Variants in ATP13A4 observed in about 807,000 individuals in gnomAD.
ATP13A4 encodes the protein probable cation-transporting ATPase 13A4.
ATP13A4 carries 114 observed loss-of-function variants against 142.5 expected under a neutral mutation model. That is an observed-to-expected ratio of 0.80 (90% CI 0.69 to 0.93). The LOEUF is 0.93. ATP13A4 is among the 40% of genes least tolerant of loss of function. The pLI is 0.00. For synonymous variants in ATP13A4, 488 were observed against 514.8 expected, an observed-to-expected ratio of 0.95 and a Z score of 0.70; for missense variants, 1,392 against 1,454.0, an observed-to-expected ratio of 0.96 and a Z score of 0.69.
intron 2 of ATP13A4, 65 bp from the exon 3 acceptor site, chr3:193,502,704 G>A: frequency 2.1e-6 from 3 of 1,453,894 alleles, no homozygotes; most frequent in Middle Eastern, 3.5e-4. Flanking sequence ...AATTCAACCT[G>A]AGAAACATCA....
At chr3:193,551,564 G>A (rs142359523) in intron 1 of ATP13A4, among the ~76,000 whole-genome samples, 6 of 152,278 alleles carry the variant, frequency 3.9e-5, no homozygotes, top group East Asian at 3.9e-4. Flanking sequence ...CTCACACCTC[G>A]CCAGAACTGT....
In ATP13A4 at chr3:193,514,861, C is replaced by T. The variant is rs368997183; in HGVS notation, c.71G>A (p.Gly24Asp). 2.4e-5 allele frequency: 38 copies of T among 1,613,880 alleles called. No individual in the cohort carries two copies. Among genetic ancestry groups the T allele is most frequent in the Non-Finnish European group, 1.4e-5 (17 of 1,179,944 alleles). Residue 24 changes from glycine (G) to aspartate (D), a missense_variant, in exon 2 of 30, where the codon GGC becomes GAC. Coordinates refer to ENST00000342695, the MANE Select transcript of ATP13A4 (RefSeq NM_032279.4). ...EGEENEMEIFGYRTQGCRKSL... is the reference protein window; with the variant it reads ...EGEENEMEIFDYRTQGCRKSL... ...TTTCCGGCAGCCTTGAGTCCGATAG[C>T]CAAATATCTCCTGGGACAGAATCAA... is the stretch of plus-strand genomic sequence containing the variant.
intron 2 of ATP13A4, among the ~76,000 whole-genome samples, chr3:193,573,687 C>G (rs1294685509): frequency 6.6e-6 from 1 of 152,162 alleles, no homozygotes; most frequent in Non-Finnish European, 1.5e-5. Flanking sequence ...GCACCCAAAT[C>G]CAGTCACACT....
chr3:193,559,745 T>C (rs928912222), upstream of ATP13A4, among the ~76,000 whole-genome samples: 1 of 152,196 alleles, frequency 6.6e-6, no homozygotes, highest in African/African-American at 2.4e-5. Context: ...CCCAGTGCCT[T>C]GGGGTGGCCT....
At chr3:193,402,990 C>T (rs952610073) in intron 29 of ATP13A4, 126 bp from the exon 30 acceptor site, 32 of 856,800 alleles carry the variant, frequency 3.7e-5, no homozygotes, top group Non-Finnish European at 5.5e-5. Context: ...AGAGCTTGAC[C>T]ACTGGACCAA....
chr3:193,510,159 G>A (rs1721068684), intron 2 of ATP13A4, among the ~76,000 whole-genome samples: 1 of 152,178 alleles, frequency 6.6e-6, no homozygotes, highest in African/African-American at 2.4e-5. Flanking sequence ...GAGGAGGTAA[G>A]CGACCCAGTG....
chr3:193,414,658 T>C lies in ATP13A4; in HGVS notation c.2935A>G (p.Ile979Val), dbSNP rs1353899617. The C allele has an allele frequency of 1.2e-6, 2 of 1,614,156 alleles. No individual in the cohort carries two copies. The highest frequency in any genetic ancestry group is 1.7e-6 in the Non-Finnish European group (2 of 1,180,010). Reference protein sequence around the residue: ...PPLLLSVIFNILLSLAMHIAG... With the variant: ...PPLLLSVIFNVLLSLAMHIAG... ...ATATGCATGGCCAGGCTGAGAAGAA[T>C]GTTGAAAATCACAGAGAGTAGCAGA... The change falls in exon 26 of 30, where the codon ATT becomes GTT. Residue 979 changes from isoleucine (I) to valine (V), a missense_variant. By Grantham distance (29) the Ile-to-Val change is conservative (BLOSUM62 3). Coordinates refer to ENST00000342695, the MANE Select transcript of ATP13A4 (RefSeq NM_032279.4).
chr3:193,407,984 G>A (rs370206923), intron 28 of ATP13A4, among the ~76,000 whole-genome samples: 14 of 152,356 alleles, frequency 9.2e-5, no homozygotes, highest in African/African-American at 3.4e-4. Flanking sequence ...AGCAAATGGA[G>A]CTGAAATCAA....
rs1716470693 is a variant in ATP13A4 at position 193,439,070 on chromosome 3, G to A, written c.2520-5C>T. ...CCACACATACCTACAAAGTAACTAAGAGGGAACCACATTAATTGTAGATGA... is the reference window on the plus strand; with the variant it reads ...CCACACATACCTACAAAGTAACTAAAAGGGAACCACATTAATTGTAGATGA... On this transcript the variant is annotated splice_polypyrimidine_tract_variant and splice_region_variant and intron_variant, in intron 21 of 29. Transcript: ENST00000342695. 6.2e-7 allele frequency: 1 copy of A among 1,602,390 alleles called. No individual in the cohort carries two copies. The highest frequency in any genetic ancestry group is 1.3e-5 in the African/African-American group (1 of 74,714).
At chr3:193,571,509 G>A (rs1031420241) in intron 2 of ATP13A4, among the ~76,000 whole-genome samples, 3 of 152,076 alleles carry the variant, frequency 2.0e-5, no homozygotes, top group Admixed American at 6.6e-5. Flanking sequence ...CTTTACAGTG[G>A]AGAAACCTAC....
At chr3:193,527,230 G>A (rs1185127466) in intron 1 of ATP13A4, among the ~76,000 whole-genome samples, 2 of 152,164 alleles carry the variant, frequency 1.3e-5, no homozygotes, top group East Asian at 3.9e-4. Flanking sequence ...GAGGGACCTG[G>A]TGGGAGGTGA....
At chr3:193,518,290 C>T (rs898966708) in intron 1 of ATP13A4, among the ~76,000 whole-genome samples, 7 of 152,072 alleles carry the variant, frequency 4.6e-5, no homozygotes, top group Non-Finnish European at 8.8e-5. Context: ...TGTATGAGCT[C>T]CAGCAACACA....
chr3:193,412,495 G>T, intron 26 of ATP13A4, 124 bp from the exon 27 acceptor site: 1 of 753,966 alleles, frequency 1.3e-6, no homozygotes, highest in East Asian at 2.8e-5. Flanking sequence ...ACAATTGCCT[G>T]TGCTTTGGAA....
intron 25 of ATP13A4, among the ~76,000 whole-genome samples, chr3:193,419,679 C>A (rs541297520): frequency 6.7e-6 from 1 of 150,138 alleles, no homozygotes; most frequent in South Asian, 2.1e-4. Flanking sequence ...TACTCCACAT[C>A]CCAGGGAAAA....
chr3:193,458,224 G>A (rs1025709983), intron 14 of ATP13A4, among the ~76,000 whole-genome samples: 1 of 152,324 alleles, frequency 6.6e-6, no homozygotes, highest in Non-Finnish European at 1.5e-5. Context: ...TGCAGCTCAG[G>A]AGAAAGGAAG....
chr3:193,540,673 A>C (rs1487866790), intron 1 of ATP13A4, among the ~76,000 whole-genome samples: 2 of 152,058 alleles, frequency 1.3e-5, no homozygotes, highest in African/African-American at 2.4e-5. Flanking sequence ...ATTATTAAAT[A>C]CTATTATATA....
At chr3:193,514,633 A>G (rs1721308875) in intron 2 of ATP13A4, 65 bp downstream of exon 2, 1 of 1,587,328 alleles carries the variant, frequency 6.3e-7, no homozygotes, top group Non-Finnish European at 8.6e-7. Context: ...CCCCCCAGCC[A>G]TCCCGTAACA....
At chr3:193,413,142 A>G (rs781768065) in intron 26 of ATP13A4, among the ~76,000 whole-genome samples, 3 of 152,190 alleles carry the variant, frequency 2.0e-5, no homozygotes, top group Non-Finnish European at 4.4e-5. Flanking sequence ...GACATTTATC[A>G]GTTCCCAAAA....
chr3:193,407,391 C>T lies in ATP13A4; in HGVS notation c.3300G>A (p.Leu1100=), dbSNP rs199814036. ...DIPELYRRLD[L]LCTPVLWRAS... ...CCCTCCACAGGACGGGAGTGCAGAG[C>T]AGCTGGCGGGAGATGATGAAGCACA... Residue 1100 remains leucine (L), a splice_region_variant and synonymous_variant, in exon 29 of 30, where the codon CTG becomes CTA. Coordinates refer to ENST00000342695, the MANE Select transcript of ATP13A4 (RefSeq NM_032279.4). The T allele has an allele frequency of 6.2e-5, 100 of 1,612,132 alleles. 1 individual carries two copies. The South Asian group carries it at 1.0e-3, about 16-fold the overall frequency.
Sources: allele counts gnomAD v4.1 joint callset (sites outside exome capture counted in the v4.1 genomes callset), GRCh38; gene constraint gnomAD v4.1.1; transcripts MANE v1.5; gene names NCBI Gene and HGNC (gene_info 2026-07-23, HGNC 2026-07-21).